Variants in SPIDR observed in about 807,000 individuals in gnomAD.
SPIDR encodes the protein DNA repair-scaffolding protein.
SPIDR carries 93 observed loss-of-function variants against 104.6 expected under a neutral mutation model. That is an observed-to-expected ratio of 0.89 (90% CI 0.75 to 1.06). The LOEUF (loss-of-function observed/expected upper bound fraction) is 1.06. SPIDR is among the 50% of genes least tolerant of loss of function. SPIDR has a pLI of 0.00. For synonymous variants in SPIDR, 431 were observed against 416.9 expected (o/e 1.03, Z -0.41); for missense variants, 1,154 against 1,111.2 (o/e 1.04, Z -0.55).
intron 3 of SPIDR, among the ~76,000 whole-genome samples, chr8:47,288,254 A>G (rs996040118): frequency 1.3e-5 from 2 of 150,358 alleles, no homozygotes; most frequent in African/African-American, 4.9e-5. Context: ...TTTTCCATGA[A>G]TTCATTTCAT....
At chr8:47,722,468 A>G (rs1472082469) in intron 16 of SPIDR, among the ~76,000 whole-genome samples, 7 of 152,308 alleles carry the variant, frequency 4.6e-5, no homozygotes, top group African/African-American at 1.4e-4. Context: ...GTATTTTCTC[A>G]CCATTGATTA....
At chr8:47,385,480 A>T (rs1384780882) in intron 5 of SPIDR, among the ~76,000 whole-genome samples, 1 of 152,242 alleles carries the variant, frequency 6.6e-6, no homozygotes, top group African/African-American at 2.4e-5. Flanking sequence ...GGACAGTTGA[A>T]TGAATAGACC....
At chr8:47,472,594 TTTTG>T (rs2075854668) in intron 8 of SPIDR, among the ~76,000 whole-genome samples, 1 of 152,252 alleles carries the variant, frequency 6.6e-6, no homozygotes, top group African/African-American at 2.4e-5. Flanking sequence ...AGATGTGCTA[TTTTG>T]TTTCTGAAAG....
chr8:47,604,250 G>C (rs763126245), intron 10 of SPIDR, among the ~76,000 whole-genome samples: 2 of 152,202 alleles, frequency 1.3e-5, no homozygotes, highest in Non-Finnish European at 2.9e-5. Flanking sequence ...AGATGAAAGA[G>C]AATTGCTCAC....
intron 11 of SPIDR, among the ~76,000 whole-genome samples, chr8:47,675,896 G>T (rs1209749781): frequency 2.0e-5 from 3 of 152,200 alleles, no homozygotes; most frequent in African/African-American, 7.2e-5. Context: ...CATCAGGGTC[G>T]TTTAGAGGGG....
intron 10 of SPIDR, among the ~76,000 whole-genome samples, chr8:47,664,677 G>C (rs1265886951): frequency 6.9e-6 from 1 of 145,686 alleles, no homozygotes; most frequent in Non-Finnish European, 1.5e-5. Flanking sequence ...GGAGGCCAAG[G>C]CTAGTGGATC....
chr8:47,301,297 T>C (rs1427162386), intron 5 of SPIDR, among the ~76,000 whole-genome samples: 5 of 152,118 alleles, frequency 3.3e-5, no homozygotes, highest in African/African-American at 1.2e-4. Context: ...TCCATTTCCT[T>C]GTAGATCTTC....
chr8:47,673,565 A>G (rs2076053190), intron 10 of SPIDR: 1 of 581,094 alleles, frequency 1.7e-6, no homozygotes, highest in Non-Finnish European at 3.1e-6. Flanking sequence ...GCATGAACAC[A>G]TACAGAAAGG....
chr8:47,422,109 T>A (rs1554681211), intron 7 of SPIDR, among the ~76,000 whole-genome samples: 1 of 152,202 alleles, frequency 6.6e-6, no homozygotes, highest in Non-Finnish European at 1.5e-5. Context: ...AGCTGCGTGC[T>A]GGGAGAACCA....
intron 8 of SPIDR, among the ~76,000 whole-genome samples, chr8:47,452,290 A>C (rs915526534): frequency 1.5e-4 from 23 of 152,308 alleles, no homozygotes; most frequent in African/African-American, 5.3e-4. Context: ...CAAAAAAAAG[A>C]AACTATGGGG....
chr8:47,716,259 C>T (rs557791538), intron 16 of SPIDR, among the ~76,000 whole-genome samples: 4 of 152,282 alleles, frequency 2.6e-5, no homozygotes, highest in South Asian at 2.1e-4. Context: ...GGCACCCAGC[C>T]GGTTCAAAGC....
At chr8:47,282,862 C>CT (rs1262572122) in intron 2 of SPIDR, among the ~76,000 whole-genome samples, 2,811 of 145,622 alleles carry the variant, frequency 0.019, 90 homozygotes, top group African/African-American at 0.064. Context: ...TTTTCTTTTT[C>CT]TTTTTTTTTT....
At chr8:47,535,525 C>CA (rs546531382) in intron 8 of SPIDR, among the ~76,000 whole-genome samples, 91 of 152,186 alleles carry the variant, frequency 6.0e-4, no homozygotes, top group African/African-American at 2.0e-3. Context: ...GTTGACAAAT[C>CA]AAATCTAACA....
intron 10 of SPIDR, among the ~76,000 whole-genome samples, chr8:47,601,604 G>A (rs539751088): frequency 4.3e-4 from 66 of 152,342 alleles, no homozygotes; most frequent in Non-Finnish European, 7.8e-4. Flanking sequence ...TGAGGCAGAA[G>A]AATCGCTTAA....
intron 11 of SPIDR, chr8:47,698,007 A>AT (rs1264161694): frequency 6.6e-6 from 1 of 152,176 alleles, no homozygotes; most frequent in Non-Finnish European, 1.5e-5. Flanking sequence ...AATGACCTGA[A>AT]TTTGTCTGCA....
At chr8:47,267,846 G>A (rs1554547904) in intron 1 of SPIDR, among the ~76,000 whole-genome samples, 2 of 151,972 alleles carry the variant, frequency 1.3e-5, no homozygotes, top group African/African-American at 4.8e-5. Flanking sequence ...ATTTTGATGA[G>A]GTCCAATTTG....
At chr8:47,457,116 A>G (rs1156496111) in intron 8 of SPIDR, among the ~76,000 whole-genome samples, 1 of 152,186 alleles carries the variant, frequency 6.6e-6, no homozygotes, top group Non-Finnish European at 1.5e-5. Flanking sequence ...CTCTGGGTCA[A>G]TACCCAGTAG....
chr8:47,335,764 A>G (rs2049585547), intron 5 of SPIDR, among the ~76,000 whole-genome samples: 1 of 152,192 alleles, frequency 6.6e-6, no homozygotes, highest in South Asian at 2.1e-4. Flanking sequence ...ACAACAGTTT[A>G]AACATTTCAG....
At chr8:47,471,821 A>T (rs2075753889) in intron 8 of SPIDR, among the ~76,000 whole-genome samples, 1 of 152,218 alleles carries the variant, frequency 6.6e-6, no homozygotes, top group Non-Finnish European at 1.5e-5. Flanking sequence ...ACCCAAATTC[A>T]TACTTGTGTA....
Sources: gnomAD v4.1 joint callset for allele counts (sites outside exome capture counted in the v4.1 genomes callset) on GRCh38, gnomAD v4.1.1 for gene constraint, MANE v1.5 for transcripts, NCBI Gene and HGNC (gene_info 2026-07-23, HGNC 2026-07-21) for gene names.